The following PDE1A variants were observed in gnomAD, a reference collection of about 807,000 sequenced individuals.
PDE1A encodes the protein phosphodiesterase 1A.
In PDE1A, 35 loss-of-function variants were observed where a neutral mutation model predicts 61.7. That is an observed-to-expected ratio of 0.57 (90% CI 0.43 to 0.75). The LOEUF (loss-of-function observed/expected upper bound fraction) is 0.75. PDE1A is among the 30% of genes least tolerant of loss of function. The pLI is 0.00. For synonymous variants in PDE1A, 232 were observed against 213.2 expected, an observed-to-expected ratio of 1.09 and a Z score of -0.77; for missense variants, 597 against 630.6, an observed-to-expected ratio of 0.95 and a Z score of 0.57.
At chr2:182,634,295 G>T in the PDE1A span, among the ~76,000 whole-genome samples, 1 of 152,068 alleles carries the variant, frequency 6.6e-6, no homozygotes, top group Non-Finnish European at 1.5e-5. Flanking sequence ...CAAGTATGGG[G>T]ACTCAGCTGA....
At chr2:182,348,801 T>C (rs1455443290) in intron 1 of PDE1A, among the ~76,000 whole-genome samples, 3 of 151,600 alleles carry the variant, frequency 2.0e-5, no homozygotes, top group Non-Finnish European at 4.4e-5. Flanking sequence ...GAGAGGGTAA[T>C]TGAACCTTAT....
the PDE1A span, among the ~76,000 whole-genome samples, chr2:182,538,425 G>A: frequency 6.6e-6 from 1 of 152,180 alleles, no homozygotes; most frequent in Non-Finnish European, 1.5e-5. Context: ...GATATTATGA[G>A]AAGGAAGAAA....
intron 8 of PDE1A, among the ~76,000 whole-genome samples, chr2:182,204,305 T>C (rs1023867979): frequency 1.3e-5 from 2 of 152,152 alleles, no homozygotes; most frequent in African/African-American, 4.8e-5. Flanking sequence ...CCAACAGTGG[T>C]CTCTTTAAAA....
chr2:182,386,008 T>C lies in PDE1A; in HGVS notation c.53+40570A>G, dbSNP rs1701049989. Among the ~76,000 whole-genome samples the C allele has an allele frequency of 3.3e-5, 5 of 152,336 alleles. No homozygotes were observed. The South Asian group carries it at 1.0e-3, about 32-fold the overall frequency. The stretch of plus-strand genomic sequence containing the variant: ...CCGAGTGCCTGTGATTGCGGGCGTG[T>C]GCCGCCACGCCTGACTGTGTTTTTT... On this transcript the variant is annotated intron_variant, in intron 1 of 13. Coordinates refer to ENST00000351439, the Ensembl canonical transcript of PDE1A.
intron 1 of PDE1A, among the ~76,000 whole-genome samples, chr2:182,403,836 G>T (rs957780858): frequency 6.6e-6 from 1 of 151,938 alleles, no homozygotes; most frequent in Non-Finnish European, 1.5e-5. Flanking sequence ...CCTGTCAGGG[G>T]GTGGGGGGCT....
At chr2:182,686,255 G>T in the PDE1A span, among the ~76,000 whole-genome samples, 11 of 151,988 alleles carry the variant, frequency 7.2e-5, no homozygotes, top group Non-Finnish European at 1.3e-4. Flanking sequence ...ATCTGCTATG[G>T]TAATGACTTA....
intron 2 of PDE1A, among the ~76,000 whole-genome samples, chr2:182,513,068 A>C (rs1689908245): frequency 6.6e-6 from 1 of 152,210 alleles, no homozygotes; most frequent in Non-Finnish European, 1.5e-5. Flanking sequence ...CTCACTAGAG[A>C]GGTTGACATT....
chr2:182,470,750 A>C (rs1327614757), intron 2 of PDE1A, among the ~76,000 whole-genome samples: 1 of 151,798 alleles, frequency 6.6e-6, no homozygotes, highest in African/African-American at 2.4e-5. Context: ...TGGGACAGCA[A>C]ATAGGTACTA....
intron 1 of PDE1A, among the ~76,000 whole-genome samples, chr2:182,306,949 G>A (rs1403397894): frequency 1.3e-5 from 2 of 152,024 alleles, no homozygotes; most frequent in African/African-American, 2.4e-5. Context: ...GTAGATAAAC[G>A]GGATTACATC....
At chr2:182,671,112 C>T in the PDE1A span, among the ~76,000 whole-genome samples, 1 of 152,020 alleles carries the variant, frequency 6.6e-6, no homozygotes, top group Non-Finnish European at 1.5e-5. Context: ...AGCCACTGCG[C>T]CCAGCCATAC....
At chr2:182,369,038 A>G (rs1050453831) in intron 1 of PDE1A, among the ~76,000 whole-genome samples, 4 of 152,168 alleles carry the variant, frequency 2.6e-5, no homozygotes, top group Non-Finnish European at 5.9e-5. Context: ...AATAGTCACT[A>G]AGTATTTTTT....
intron 7 of PDE1A, among the ~76,000 whole-genome samples, chr2:182,208,415 A>T (rs1687296262): frequency 6.6e-6 from 1 of 152,142 alleles, no homozygotes; most frequent in South Asian, 2.1e-4. Flanking sequence ...GAATTCCCTC[A>T]CTATTATGAG....
chr2:182,575,763 A>G, the PDE1A span, among the ~76,000 whole-genome samples: 1 of 146,196 alleles, frequency 6.8e-6, no homozygotes, highest in Non-Finnish European at 1.5e-5. Context: ...AGTATTAATA[A>G]TATATTATAT....
At chr2:182,689,854 A>G in the PDE1A span, among the ~76,000 whole-genome samples, 6 of 152,228 alleles carry the variant, frequency 3.9e-5, no homozygotes, top group African/African-American at 2.4e-5. Context: ...GGATATCACC[A>G]TCGATCCCAC....
chr2:182,421,197 T>C (rs1703257726), intron 1 of PDE1A, among the ~76,000 whole-genome samples: 1 of 152,226 alleles, frequency 6.6e-6, no homozygotes, highest in Non-Finnish European at 1.5e-5. Context: ...TAGATTGTTT[T>C]ACCTGCATAA....
At chr2:182,472,732 A>T (rs1294332843) in intron 2 of PDE1A, among the ~76,000 whole-genome samples, 2 of 151,348 alleles carry the variant, frequency 1.3e-5, no homozygotes, top group Admixed American at 6.7e-5. Flanking sequence ...ATTTCCACAT[A>T]ATCAACTCTA....
At chr2:182,333,463 C>A (rs1164906418) in intron 1 of PDE1A, among the ~76,000 whole-genome samples, 1 of 152,146 alleles carries the variant, frequency 6.6e-6, no homozygotes, top group Non-Finnish European at 1.5e-5. Context: ...AACTGAACAA[C>A]CTACTCCTGA....
the PDE1A span, among the ~76,000 whole-genome samples, chr2:182,565,710 TG>T: frequency 6.6e-6 from 1 of 152,176 alleles, no homozygotes; most frequent in Non-Finnish European, 1.5e-5. Flanking sequence ...ATGACTCACA[TG>T]CTATTTATTA....
intron 2 of PDE1A, among the ~76,000 whole-genome samples, chr2:182,440,823 G>T (rs1684742509): frequency 1.4e-5 from 2 of 147,370 alleles, no homozygotes; most frequent in East Asian, 2.0e-4. Context: ...CTTTTCTGTT[G>T]ATTTTTCTGC....
Sources: allele counts gnomAD v4.1 joint callset (sites outside exome capture counted in the v4.1 genomes callset), GRCh38; gene constraint gnomAD v4.1.1; transcripts MANE v1.5; gene names NCBI Gene and HGNC (gene_info 2026-07-23, HGNC 2026-07-21).